The following STPG4 variants were observed in gnomAD, a reference collection of about 807,000 sequenced individuals.
The protein encoded by STPG4 is protein STPG4.
In STPG4, 41 loss-of-function variants were observed where a neutral mutation model predicts 31.5. The observed-to-expected ratio is 1.30, with a 90% CI of 1.01 to 1.69. The LOEUF (loss-of-function observed/expected upper bound fraction) is 1.69. Among genes scored for constraint, STPG4 ranks in the 40% most tolerant of loss-of-function variants. The pLI is 0.00. For missense variants in STPG4, 375 were observed against 293.4 expected (o/e 1.28, Z -2.03); for synonymous variants, 141 against 103.0 (o/e 1.37, Z -2.24).
chr2:47,136,143 G>C (rs915733852), intron 3 of STPG4, among the ~76,000 whole-genome samples: 4 of 151,812 alleles, frequency 2.6e-5, no homozygotes, highest in Admixed American at 2.6e-4. Context: ...GTTCTTCTTT[G>C]ATTTCTTTCT....
At chr2:47,097,170 T>G (rs2103733524) in intron 5 of STPG4, among the ~76,000 whole-genome samples, 1 of 152,320 alleles carries the variant, frequency 6.6e-6, no homozygotes, top group African/African-American at 2.4e-5. Flanking sequence ...AATTTAATTT[T>G]AAGTTGTTAA....
rs147042215 is a variant in STPG4, at chr2:47,130,112, G to A, written c.464+84C>T. ...TAAAATGTTAATTTGCATATGAGGTGCATAAATGAGGTTTAAAAGCCAGGA... is the reference window on the plus strand; with the variant it reads ...TAAAATGTTAATTTGCATATGAGGTACATAAATGAGGTTTAAAAGCCAGGA... On this transcript the variant is annotated intron_variant, in intron 4 of 6. Coordinates refer to ENST00000445927, the MANE Select transcript of STPG4 (RefSeq NM_001163561.2). The A allele has an allele frequency of 1.8e-4, 259 of 1,469,062 alleles. 1 individual carries two copies. In the East Asian group the frequency reaches 4.7e-3, roughly 27 times the overall value. 91.0% of individuals were successfully genotyped at this position (1,469,062 alleles called of 1,614,324 possible).
rs146500710 is a variant in STPG4, at chr2:47,138,351, G to C, written c.400-8091C>G. Among the ~76,000 whole-genome samples, 958 of 151,376 alleles carry C rather than the reference G, an allele frequency of 6.3e-3. 5 individuals are homozygous for C. The highest frequency in any genetic ancestry group is 0.01 in the Middle Eastern group (3 of 288). On this transcript the variant is annotated intron_variant, in intron 3 of 6. Transcript: ENST00000445927. ...TCAGTTTAATTCCATTGTGGTCTGA[G>C]AGCAGACATTGTATAATTTCTATTC...
intron 5 of STPG4, among the ~76,000 whole-genome samples, chr2:47,122,155 T>C (rs1399678099): frequency 6.6e-6 from 1 of 152,210 alleles, no homozygotes; most frequent in Non-Finnish European, 1.5e-5. Flanking sequence ...TTATGAATTG[T>C]CTATTTATGT....
intron 5 of STPG4, among the ~76,000 whole-genome samples, chr2:47,098,783 A>G (rs1034923913): frequency 6.6e-6 from 1 of 150,548 alleles, no homozygotes; most frequent in African/African-American, 2.4e-5. Context: ...CCCCTCAGCA[A>G]GGAGGACAGA....
chr2:47,130,245 G>C lies in STPG4; in HGVS notation c.415C>G (p.Pro139Ala). Residue 139 changes from proline to alanine, a missense_variant, in exon 4 of 7, where the codon CCG (proline) becomes GCG (alanine). By Grantham distance (27) the Pro-to-Ala change is conservative. Coordinates refer to ENST00000445927, the MANE Select transcript of STPG4 (RefSeq NM_001163561.2). ...GCAGGAAGCACGTTGTATTGCCCCG[G>C]AGAAAGCTGAAGTGACTGCACAGAA... is the stretch of plus-strand genomic sequence containing the variant. ...VDKDQSLQLS[P>A]GQYNVLPAPV... is the part of the protein sequence containing the mutation. The C allele has an allele frequency of 1.2e-6, 2 of 1,614,096 alleles. No individual in the cohort carries two copies. Among genetic ancestry groups the C allele is most frequent in the Non-Finnish European group, 1.7e-6 (2 of 1,179,954 alleles).
chr2:47,094,191 A>G (rs1009891541), intron 5 of STPG4, among the ~76,000 whole-genome samples: 1 of 152,166 alleles, frequency 6.6e-6, no homozygotes, highest in Non-Finnish European at 1.5e-5. Flanking sequence ...CATCTCTTCC[A>G]CAAATCAAAT....
intron 5 of STPG4, chr2:47,129,622 T>G: frequency 7.8e-6 from 2 of 256,478 alleles, no homozygotes; most frequent in Non-Finnish European, 7.4e-6. Flanking sequence ...CAAGGGCAGA[T>G]TCTCTCTTCA....
At chr2:47,138,968 A>T (rs1251897820) in intron 3 of STPG4, among the ~76,000 whole-genome samples, 1 of 152,220 alleles carries the variant, frequency 6.6e-6, no homozygotes, top group Non-Finnish European at 1.5e-5. Context: ...TACAGGTGTG[A>T]GCCACCGCTG....
intron 5 of STPG4, among the ~76,000 whole-genome samples, chr2:47,125,789 G>T (rs536918784): frequency 6.6e-6 from 1 of 151,926 alleles, no homozygotes; most frequent in South Asian, 2.1e-4. Flanking sequence ...GAATTCCTGG[G>T]CTCAAGGGAT....
At chr2:47,102,158 G>C (rs1229260597) in intron 5 of STPG4, among the ~76,000 whole-genome samples, 2 of 140,038 alleles carry the variant, frequency 1.4e-5, no homozygotes, top group Non-Finnish European at 3.1e-5. Flanking sequence ...GACCGTTGCA[G>C]GTTCTTGGGC....
Position 47,151,491 on chromosome 2 carries a change from G to T in STPG4, c.166C>A (p.His56Asn). Reference protein sequence around the residue: ...LTDTPIPGTYHLKTFIEESLL... With the variant: ...LTDTPIPGTYNLKTFIEESLL... ...GATTCTTCAATAAAAGTTTTCAAGTGGTAAGTGCCAGGTATAGGAGTATCC... is the reference window on the plus strand; with the variant it reads ...GATTCTTCAATAAAAGTTTTCAAGTTGTAAGTGCCAGGTATAGGAGTATCC... Residue 56 changes from histidine (H) to asparagine (N), a missense_variant, in exon 3 of 7, where the codon CAC becomes AAC. Coordinates refer to ENST00000445927, the MANE Select transcript of STPG4 (RefSeq NM_001163561.2). The T allele has an allele frequency of 6.2e-7, 1 of 1,613,864 alleles. No individual in the cohort carries two copies. Among genetic ancestry groups the T allele is most frequent in the Non-Finnish European group, 8.5e-7 (1 of 1,179,802 alleles).
chr2:47,130,599 T>A (rs1299198190), intron 3 of STPG4, among the ~76,000 whole-genome samples: 4 of 152,174 alleles, frequency 2.6e-5, no homozygotes, highest in Non-Finnish European at 5.9e-5. Context: ...CGCTGCAGCC[T>A]CCGCCTCCCC....
intron 5 of STPG4, among the ~76,000 whole-genome samples, chr2:47,099,215 C>T (rs532109996): frequency 1.9e-4 from 26 of 137,728 alleles, no homozygotes; most frequent in African/African-American, 5.1e-4. Context: ...GTGTTCACTG[C>T]CTCATCCTCT....
chr2:47,135,832 T>C (rs1686585530), intron 3 of STPG4, among the ~76,000 whole-genome samples: 2 of 152,238 alleles, frequency 1.3e-5, no homozygotes, highest in Admixed American at 1.3e-4. Context: ...TCTATTCTGT[T>C]CCATTGATCT....
intron 3 of STPG4, among the ~76,000 whole-genome samples, chr2:47,131,486 C>A (rs191488250): frequency 2.5e-4 from 38 of 152,270 alleles, no homozygotes; most frequent in Non-Finnish European, 4.3e-4. Context: ...AGTGAGCCTG[C>A]TCTGGGGTAA....
intron 3 of STPG4, among the ~76,000 whole-genome samples, chr2:47,134,187 A>G (rs1476808440): frequency 6.6e-6 from 1 of 152,234 alleles, no homozygotes; most frequent in Non-Finnish European, 1.5e-5. Context: ...AAAAAGGTAC[A>G]GACGAACCTA....
intron 5 of STPG4, among the ~76,000 whole-genome samples, chr2:47,123,074 C>T (rs569894736): frequency 3.4e-4 from 52 of 152,316 alleles, no homozygotes; most frequent in Middle Eastern, 3.4e-3. Flanking sequence ...GATGCGCCTG[C>T]CTCAGCCTTC....
intron 3 of STPG4, among the ~76,000 whole-genome samples, chr2:47,130,834 T>C (rs1222735151): frequency 6.6e-6 from 1 of 152,084 alleles, no homozygotes; most frequent in East Asian, 1.9e-4. Context: ...TTTCTTTTTT[T>C]GAGATAGGTT....
Sources: allele counts gnomAD v4.1 joint callset (sites outside exome capture counted in the v4.1 genomes callset), GRCh38; gene constraint gnomAD v4.1.1; transcripts MANE v1.5; gene names NCBI Gene and HGNC (gene_info 2026-07-23, HGNC 2026-07-21).